Variants in SYNDIG1 observed in about 807,000 individuals in gnomAD.
SYNDIG1 encodes the protein synapse differentiation inducing 1, also known as synapse differentiation-inducing gene protein 1.
A neutral mutation model predicts 19.4 loss-of-function variants in SYNDIG1; 9 were observed. The ratio of observed to expected loss-of-function variants is 0.46; its 90% CI spans 0.28 to 0.81. The LOEUF (loss-of-function observed/expected upper bound fraction) is 0.81, where lower values mean the gene tolerates loss of function less well. SYNDIG1 is among the 30% of genes least tolerant of loss of function. The pLI, the probability that SYNDIG1 is intolerant of heterozygous loss-of-function variation, is 0.12. For synonymous variants in SYNDIG1, 141 were observed against 145.9 expected (o/e 0.97, Z 0.24); for missense variants, 311 against 343.3 (o/e 0.91, Z 0.74).
intron 1 of SYNDIG1, among the ~76,000 whole-genome samples, chr20:24,531,466 A>T (rs561471376): frequency 6.4e-4 from 98 of 152,244 alleles, no homozygotes; most frequent in African/African-American, 2.3e-3. Flanking sequence ...AAAAAGGAAA[A>T]CTAGTAAGAG....
intron 1 of SYNDIG1, among the ~76,000 whole-genome samples, chr20:24,473,656 T>C (rs1272074552): frequency 1.3e-5 from 2 of 152,116 alleles, no homozygotes; most frequent in African/African-American, 4.8e-5. Context: ...GTCTCCTGTC[T>C]CCAGGCTACT....
intron 1 of SYNDIG1, among the ~76,000 whole-genome samples, chr20:24,506,735 G>A (rs1402012689): frequency 6.6e-6 from 1 of 152,158 alleles, no homozygotes; most frequent in Non-Finnish European, 1.5e-5. Context: ...GGTGTCCGGG[G>A]CAGTGGCTCC....
chr20:24,524,312 CT>C (rs1393887072), intron 1 of SYNDIG1, among the ~76,000 whole-genome samples: 1 of 152,132 alleles, frequency 6.6e-6, no homozygotes, highest in Non-Finnish European at 1.5e-5. Context: ...TTCTTCTCGC[CT>C]TTGGTTAGAT....
At chr20:24,620,015 G>A (rs2059014743) in intron 3 of SYNDIG1, among the ~76,000 whole-genome samples, 1 of 152,202 alleles carries the variant, frequency 6.6e-6, no homozygotes, top group South Asian at 2.1e-4. Context: ...CCACCCTGGA[G>A]AGCTTCCCTA....
rs146672556 is a variant in SYNDIG1 at position 24,543,542 on chromosome 20, G to A, written c.445G>A (p.Asp149Asn). ...CATAAAAATCCACACCCTGTCCTAC[G>A]ATGTGGAGGAGGAGGAGGAGTTCCA... ...DDIKIHTLSY[D>N]VEEEEEFQEL... is the part of the protein sequence containing the mutation. Residue 149 changes from aspartate to asparagine, a missense_variant, in exon 2 of 4, where the codon GAT (aspartate) becomes AAT (asparagine). Coordinates refer to ENST00000376862, the MANE Select transcript of SYNDIG1 (RefSeq NM_024893.3). The A allele has an allele frequency of 5.1e-4, 826 of 1,604,194 alleles. 6 individuals are homozygous for A. The African/African-American group carries it at 0.01, about 19-fold the overall frequency.
intron 1 of SYNDIG1, among the ~76,000 whole-genome samples, chr20:24,487,995 A>C (rs923553957): frequency 6.6e-6 from 1 of 152,232 alleles, no homozygotes; most frequent in Admixed American, 6.5e-5. Context: ...AGGAGAGACC[A>C]GCCAAGAATC....
intron 3 of SYNDIG1, among the ~76,000 whole-genome samples, chr20:24,592,442 A>G (rs1273234316): frequency 6.6e-6 from 1 of 152,136 alleles, no homozygotes; most frequent in Non-Finnish European, 1.5e-5. Flanking sequence ...CCGTCAAGAC[A>G]TTGCTCAGAG....
chr20:24,531,063 G>C (rs560201772), intron 1 of SYNDIG1, among the ~76,000 whole-genome samples: 1 of 152,246 alleles, frequency 6.6e-6, no homozygotes, highest in East Asian at 1.9e-4. Flanking sequence ...GCCTGCCTCA[G>C]CCTCCCAAAG....
At chr20:24,559,049 A>G (rs1265769559) in intron 2 of SYNDIG1, among the ~76,000 whole-genome samples, 1 of 152,232 alleles carries the variant, frequency 6.6e-6, no homozygotes, top group East Asian at 1.9e-4. Flanking sequence ...TTATTGCAGC[A>G]CTATTCACAA....
At chr20:24,576,115 G>A (rs1317069228) in intron 2 of SYNDIG1, among the ~76,000 whole-genome samples, 1 of 152,184 alleles carries the variant, frequency 6.6e-6, no homozygotes. Flanking sequence ...GAGACCAAAT[G>A]GTTAGACCAG....
chr20:24,665,284 TC>T (rs1257982258), intron 3 of SYNDIG1, 61 bp from the exon 4 acceptor site: 97 of 1,545,936 alleles, frequency 6.3e-5, no homozygotes, highest in Non-Finnish European at 6.0e-5. Flanking sequence ...AGATGAGCCC[TC>T]CACTCACTGC....
At chr20:24,627,124 GGGGAGAGGGAGA>G (rs750289884) in intron 3 of SYNDIG1, among the ~76,000 whole-genome samples, 21 of 110,288 alleles carry the variant, frequency 1.9e-4, no homozygotes, top group Admixed American at 3.5e-4. Flanking sequence ...GGGGGACCGT[GGGGAGAGGGAGA>G]GGGAGAGGGA....
rs190157930 is a variant in SYNDIG1 at position 24,633,399 on chromosome 20, G to A, written c.619-31947G>A. ...CTGCTGTGCCCCTCCTGGTTTATCC[G>A]TGCCTGGCAGAGTCCCAGCACCCAG... On this transcript the variant is annotated intron_variant, in intron 3 of 3. Coordinates refer to ENST00000376862, the MANE Select transcript of SYNDIG1 (RefSeq NM_024893.3). Among the ~76,000 whole-genome samples the A allele has an allele frequency of 9.2e-5, 14 of 152,298 alleles. 1 individual carries two copies. Among genetic ancestry groups the A allele is most frequent in the African/African-American group, 2.4e-4 (10 of 41,574 alleles).
At chr20:24,557,420 T>C (rs888074329) in intron 2 of SYNDIG1, among the ~76,000 whole-genome samples, 2 of 152,146 alleles carry the variant, frequency 1.3e-5, no homozygotes, top group African/African-American at 2.4e-5. Context: ...TCTGTTTTTT[T>C]CCCATCTTTG....
intron 3 of SYNDIG1, among the ~76,000 whole-genome samples, chr20:24,654,284 G>A (rs1271838922): frequency 6.6e-6 from 1 of 152,114 alleles, no homozygotes; most frequent in Non-Finnish European, 1.5e-5. Context: ...ACAAATGGGT[G>A]AGGGTCAGGG....
chr20:24,554,789 GC>G (rs2057778316), intron 2 of SYNDIG1, among the ~76,000 whole-genome samples: 2 of 151,342 alleles, frequency 1.3e-5, no homozygotes, highest in South Asian at 4.2e-4. Context: ...TCTCTGCCCG[GC>G]TTTGGTATCA....
chr20:24,549,566 T>C (rs1006390044), intron 2 of SYNDIG1, among the ~76,000 whole-genome samples: 16 of 152,180 alleles, frequency 1.1e-4, no homozygotes, highest in Non-Finnish European at 2.2e-4. Context: ...GAGTGCTTTA[T>C]GCTCTGGCCT....
intron 3 of SYNDIG1, among the ~76,000 whole-genome samples, chr20:24,621,785 A>G (rs2059042502): frequency 6.6e-6 from 1 of 152,202 alleles, no homozygotes; most frequent in East Asian, 1.9e-4. Flanking sequence ...GAAAAACCAC[A>G]AGACATATAC....
chr20:24,627,659 G>C (rs2059171549), intron 3 of SYNDIG1, among the ~76,000 whole-genome samples: 1 of 152,268 alleles, frequency 6.6e-6, no homozygotes, highest in African/African-American at 2.4e-5. Context: ...ACACTGGTTT[G>C]ATTCCCAGTC....
Sources: gnomAD v4.1 joint callset for allele counts (sites outside exome capture counted in the v4.1 genomes callset) on GRCh38, gnomAD v4.1.1 for gene constraint, MANE v1.5 for transcripts, NCBI Gene and HGNC (gene_info 2026-07-23, HGNC 2026-07-21) for gene names.